SYT14: variants seen among roughly 807,000 people sequenced by gnomAD.
The protein encoded by SYT14 is synaptotagmin 14.
A neutral mutation model predicts 74.2 loss-of-function variants in SYT14; 32 were observed. The observed-to-expected ratio is 0.43, with a 90% CI of 0.33 to 0.58. SYT14 has a LOEUF of 0.58. SYT14 is among the 20% of genes least tolerant of loss of function. SYT14 has a pLI of 0.05. For synonymous variants in SYT14, 298 were observed against 337.7 expected, an observed-to-expected ratio of 0.88 and a Z score of 1.29; for missense variants, 791 against 981.8, an observed-to-expected ratio of 0.81 and a Z score of 2.60.
At chr1:210,056,160 C>T (rs894026243) in intron 5 of SYT14, among the ~76,000 whole-genome samples, 3 of 151,960 alleles carry the variant, frequency 2.0e-5, no homozygotes, top group South Asian at 4.1e-4. Context: ...TTGATGACAT[C>T]GTATTATAAA....
intron 7 of SYT14, among the ~76,000 whole-genome samples, chr1:210,132,567 T>TTTTGTGTGTGTA (rs147481736): frequency 6.9e-6 from 1 of 144,998 alleles, no homozygotes; most frequent in East Asian, 2.0e-4. Flanking sequence ...ATTTTATATA[T>TTTTGTGTGTGTA]TGTGTGTGTG....
intron 7 of SYT14, among the ~76,000 whole-genome samples, chr1:210,106,446 G>A (rs2082158820): frequency 6.6e-6 from 1 of 152,138 alleles, no homozygotes; most frequent in South Asian, 2.1e-4. Context: ...CCAAGCCTGG[G>A]TAATTTATAA....
chr1:210,020,119 A>G (rs1036358192), intron 4 of SYT14, among the ~76,000 whole-genome samples: 1 of 152,130 alleles, frequency 6.6e-6, no homozygotes, highest in African/African-American at 2.4e-5. Flanking sequence ...ATATTTTTCA[A>G]ATGGGAATAT....
chr1:210,025,594 A>G (rs944133207), intron 5 of SYT14, among the ~76,000 whole-genome samples: 2 of 152,146 alleles, frequency 1.3e-5, no homozygotes, highest in Admixed American at 6.5e-5. Context: ...GGAACAGCCA[A>G]AGCTTCTCTA....
chr1:210,004,507 A>G (rs969200501), intron 2 of SYT14, among the ~76,000 whole-genome samples: 1 of 152,008 alleles, frequency 6.6e-6, no homozygotes, highest in Non-Finnish European at 1.5e-5. Flanking sequence ...TCTTAATTTC[A>G]TCATTTCATT....
At chr1:210,000,466 G>GCA (rs375046637) in intron 2 of SYT14, among the ~76,000 whole-genome samples, 21,334 of 143,060 alleles carry the variant, frequency 0.15, 1,713 homozygotes, top group East Asian at 0.22. Context: ...GTCCTCATAC[G>GCA]CACACACACA....
chr1:210,106,791 C>T (rs1372031401), intron 7 of SYT14, among the ~76,000 whole-genome samples: 4 of 152,174 alleles, frequency 2.6e-5, no homozygotes, highest in East Asian at 1.9e-4. Context: ...TGGCCACCCC[C>T]GCAAATCTCA....
At chr1:210,087,752 G>A (rs1041056931) in intron 5 of SYT14, among the ~76,000 whole-genome samples, 1 of 152,144 alleles carries the variant, frequency 6.6e-6, no homozygotes, top group Non-Finnish European at 1.5e-5. Flanking sequence ...ACACCCTTCT[G>A]TCATCTCACT....
chr1:209,949,991 G>A (rs2078886584), intron 1 of SYT14, among the ~76,000 whole-genome samples: 2 of 152,110 alleles, frequency 1.3e-5, no homozygotes, highest in African/African-American at 4.8e-5. Flanking sequence ...GGCTTTCATT[G>A]TCATTCTGCA....
rs560577525 is a variant in SYT14 at position 210,148,274 on chromosome 1, C to T, written c.2035-7447C>T. On this transcript the variant is annotated intron_variant, in intron 7 of 9. Transcript: ENST00000637265. ...CTGTAATCCCAGCACTTTGGGAGGC[C>T]GAGGTGGGCGGATCACGAGGTCAGG... is the stretch of plus-strand genomic sequence containing the variant. Among the ~76,000 whole-genome samples, 62 of 152,096 alleles carry T rather than the reference C, an allele frequency of 4.1e-4. No homozygotes were observed. The South Asian group carries it at 0.013, about 32-fold the overall frequency.
rs71146203 is a variant in SYT14 at position 210,000,613 on chromosome 1, C to CTTTTTTTTTTTTT, written c.-485-13013_-485-13001dup. Among the ~76,000 whole-genome samples the CTTTTTTTTTTTTT allele has an allele frequency of 1.2e-3, 122 of 105,416 alleles. 1 individual carries two copies. Among genetic ancestry groups the CTTTTTTTTTTTTT allele is most frequent in the African/African-American group, 4.4e-3 (116 of 26,518 alleles). 69.2% of individuals were successfully genotyped at this position (105,416 alleles called of 152,430 possible). ...TTTCATTAGGGCTGTTTTATGCCTT[C>CTTTTTTTTTTTTT]TTTTTTTTTTTTTTTTTTTGAGATA... On this transcript the variant is annotated intron_variant, in intron 2 of 9. Transcript: ENST00000637265.
At chr1:210,092,441 C>A (rs2102519492) in intron 5 of SYT14, among the ~76,000 whole-genome samples, 1 of 152,292 alleles carries the variant, frequency 6.6e-6, no homozygotes, top group Non-Finnish European at 1.5e-5. Flanking sequence ...CTGAAATCTG[C>A]TTAGATCTCA....
chr1:210,154,152 A>G (rs2083223138), intron 7 of SYT14, among the ~76,000 whole-genome samples: 1 of 152,164 alleles, frequency 6.6e-6, no homozygotes, highest in Non-Finnish European at 1.5e-5. Flanking sequence ...TTTTAATTAC[A>G]AATTCAATTT....
intron 2 of SYT14, among the ~76,000 whole-genome samples, chr1:209,987,428 C>A (rs1253356546): frequency 6.6e-6 from 1 of 152,172 alleles, no homozygotes; most frequent in African/African-American, 2.4e-5. Context: ...AATAGTGGGA[C>A]ATGAAGTGGG....
chr1:209,977,609 C>T (rs988065875), intron 2 of SYT14, among the ~76,000 whole-genome samples: 4 of 152,142 alleles, frequency 2.6e-5, no homozygotes, highest in African/African-American at 4.8e-5. Flanking sequence ...TTGTGGGTAA[C>T]CCGACCTTTC....
intron 5 of SYT14, among the ~76,000 whole-genome samples, chr1:210,064,978 A>G (rs1294979833): frequency 6.6e-6 from 1 of 151,946 alleles, no homozygotes; most frequent in Admixed American, 6.6e-5. Flanking sequence ...GTGGGTATAA[A>G]CTAGTATCTC....
chr1:210,144,410 G>A (rs553652927), intron 7 of SYT14, among the ~76,000 whole-genome samples: 1 of 152,174 alleles, frequency 6.6e-6, no homozygotes, highest in East Asian at 1.9e-4. Context: ...GATAACTGAA[G>A]TATGGAGATG....
At chr1:209,997,770 A>G (rs2079824846) in intron 2 of SYT14, among the ~76,000 whole-genome samples, 1 of 152,106 alleles carries the variant, frequency 6.6e-6, no homozygotes, top group Admixed American at 6.6e-5. Context: ...ATAACCATGT[A>G]ACAGGCCTGT....
At chr1:209,942,139 T>G (rs1436270707) in intron 1 of SYT14, among the ~76,000 whole-genome samples, 1 of 152,170 alleles carries the variant, frequency 6.6e-6, no homozygotes, top group Non-Finnish European at 1.5e-5. Context: ...CAAGCCAAGT[T>G]TCTATGCATT....
Sources: gnomAD v4.1 joint callset for allele counts (sites outside exome capture counted in the v4.1 genomes callset) on GRCh38, gnomAD v4.1.1 for gene constraint, MANE v1.5 for transcripts, NCBI Gene and HGNC (gene_info 2026-07-23, HGNC 2026-07-21) for gene names.